Variants in CSMD3 observed in about 807,000 individuals in gnomAD.
The protein encoded by CSMD3 is CUB and Sushi multiple domains 3.
A neutral mutation model predicts 435.2 loss-of-function variants in CSMD3; 177 were observed. The observed-to-expected ratio is 0.41, with a 90% CI of 0.36 to 0.46. CSMD3 has a LOEUF of 0.46. Among genes scored for constraint, CSMD3 ranks in the 20% least tolerant of loss-of-function variants. CSMD3 has a pLI of 0.34. For synonymous variants in CSMD3, 1,656 were observed against 1,520.5 expected (o/e 1.09, Z -2.07); for missense variants, 4,265 against 4,504.6 (o/e 0.95, Z 1.52).
chr8:113,071,945 T>G (rs1474219246), intron 5 of CSMD3, among the ~76,000 whole-genome samples: 1 of 151,836 alleles, frequency 6.6e-6, no homozygotes, highest in Non-Finnish European at 1.5e-5. Context: ...ATTCATGAAC[T>G]CAGGAGATCT....
chr8:112,391,284 T>G (rs1830390693), intron 35 of CSMD3, among the ~76,000 whole-genome samples: 1 of 152,192 alleles, frequency 6.6e-6, no homozygotes, highest in Non-Finnish European at 1.5e-5. Context: ...GTACTTTACA[T>G]ATTTTAACTC....
intron 2 of CSMD3, chr8:113,311,031 C>T (rs534389420): frequency 2.0e-4 from 31 of 152,006 alleles, no homozygotes; most frequent in African/African-American, 7.0e-4. Context: ...TAAGGACATA[C>T]AATATCATAT....
In CSMD3 at chr8:113,275,983, G is replaced by A. The variant is rs533901771; in HGVS notation, c.514+2609C>T. Among the ~76,000 whole-genome samples the A allele has an allele frequency of 3.8e-3, 578 of 152,182 alleles. 1 individual carries two copies. The highest frequency in any genetic ancestry group is 6.0e-3 in the Non-Finnish European group (405 of 67,964). ...GAAAAAAAACTGGATCCAAATGCAG[G>A]GGAGTGGGAGACAGATTTTGTAATT... On this transcript the variant is annotated intron_variant, in intron 3 of 70. Transcript: ENST00000297405.
intron 27 of CSMD3, among the ~76,000 whole-genome samples, chr8:112,530,395 A>AT: frequency 6.6e-6 from 1 of 152,298 alleles, no homozygotes. Context: ...CAAAGAAAAC[A>AT]TTTTGAAAGC....
chr8:112,376,388 A>C (rs2131211220), intron 38 of CSMD3, among the ~76,000 whole-genome samples: 2 of 152,340 alleles, frequency 1.3e-5, no homozygotes, highest in Middle Eastern at 3.4e-3. Flanking sequence ...GCATTACAGT[A>C]ATACATTTAT....
chr8:112,644,502 T>G (rs1320411285), intron 20 of CSMD3, among the ~76,000 whole-genome samples: 1 of 152,048 alleles, frequency 6.6e-6, no homozygotes, highest in Admixed American at 6.6e-5. Context: ...TGAACCATGT[T>G]TAATACTACA....
intron 31 of CSMD3, 32 bp from the exon 32 acceptor site, chr8:112,472,739 GA>G: frequency 1.6e-6 from 2 of 1,233,824 alleles, no homozygotes; most frequent in Non-Finnish European, 2.4e-6. Context: ...ATCATTTTTA[GA>G]AAAAAGTTTT....
At chr8:112,386,560 C>G (rs903332365) in intron 36 of CSMD3, among the ~76,000 whole-genome samples, 2 of 151,912 alleles carry the variant, frequency 1.3e-5, no homozygotes, top group South Asian at 2.1e-4. Flanking sequence ...TGCAGTGGCG[C>G]GATCTTAGCT....
intron 12 of CSMD3, among the ~76,000 whole-genome samples, chr8:112,816,483 C>A (rs2079379033): frequency 6.6e-6 from 1 of 152,082 alleles, no homozygotes; most frequent in African/African-American, 2.4e-5. Context: ...CACCTTTCGC[C>A]ATATTTAGTA....
At chr8:113,041,630 G>A (rs965401368) in intron 5 of CSMD3, among the ~76,000 whole-genome samples, 2 of 151,958 alleles carry the variant, frequency 1.3e-5, no homozygotes, top group Non-Finnish European at 2.9e-5. Flanking sequence ...TATGAGTTAT[G>A]TTTACACTAA....
At chr8:112,609,353 A>G (rs982282702) in intron 22 of CSMD3, among the ~76,000 whole-genome samples, 5 of 152,004 alleles carry the variant, frequency 3.3e-5, no homozygotes, top group African/African-American at 1.2e-4. Flanking sequence ...AATGGGCTAG[A>G]CGTTTCAGTA....
intron 6 of CSMD3, among the ~76,000 whole-genome samples, chr8:112,977,671 T>C (rs1564171146): frequency 1.3e-5 from 2 of 152,074 alleles, no homozygotes; most frequent in African/African-American, 2.4e-5. Context: ...AAGTATTAAA[T>C]GATTTTTGTA....
At chr8:113,296,867 A>C (rs2093726531) in intron 2 of CSMD3, among the ~76,000 whole-genome samples, 1 of 152,180 alleles carries the variant, frequency 6.6e-6, no homozygotes, top group Non-Finnish European at 1.5e-5. Flanking sequence ...CATTCTATCA[A>C]ATATAAACTT....
intron 56 of CSMD3, among the ~76,000 whole-genome samples, chr8:112,290,560 C>T (rs1467954161): frequency 6.6e-6 from 1 of 151,852 alleles, no homozygotes; most frequent in Non-Finnish European, 1.5e-5. Context: ...ATTTTACAGA[C>T]ACAGCAAAAA....
At chr8:113,400,351 C>G (rs11987994) in intron 1 of CSMD3, among the ~76,000 whole-genome samples, 2,794 of 152,040 alleles carry the variant, frequency 0.018, 102 homozygotes, top group African/African-American at 0.062. Context: ...CTCCCCCTGC[C>G]CCATCCCTCG....
intron 47 of CSMD3, 88 bp downstream of exon 47, chr8:112,318,749 T>G: frequency 1.2e-6 from 1 of 808,140 alleles, no homozygotes; most frequent in African/African-American, 1.7e-5. Flanking sequence ...ATTTCATATT[T>G]ATATAGATTT....
intron 1 of CSMD3, among the ~76,000 whole-genome samples, chr8:113,386,698 C>CACA (rs1382514995): frequency 2.0e-5 from 3 of 151,806 alleles, no homozygotes; most frequent in African/African-American, 7.2e-5. Context: ...ATTCACCAAT[C>CACA]TTCTTAAAAA....
intron 13 of CSMD3, among the ~76,000 whole-genome samples, chr8:112,759,847 T>G (rs2077794517): frequency 6.6e-6 from 1 of 152,144 alleles, no homozygotes; most frequent in African/African-American, 2.4e-5. Context: ...GTCTCATAAT[T>G]ACCATTCTCA....
At chr8:112,806,691 C>G (rs139054630) in intron 12 of CSMD3, among the ~76,000 whole-genome samples, 7 of 152,240 alleles carry the variant, frequency 4.6e-5, no homozygotes, top group African/African-American at 7.2e-5. Context: ...ATCTGATATT[C>G]TTGTCTGTAA....
Sources: gnomAD v4.1 joint callset for allele counts (sites outside exome capture counted in the v4.1 genomes callset) on GRCh38, gnomAD v4.1.1 for gene constraint, MANE v1.5 for transcripts, NCBI Gene and HGNC (gene_info 2026-07-23, HGNC 2026-07-21) for gene names.